The following TBX20 variants were observed in gnomAD, a reference collection of about 807,000 sequenced individuals.
TBX20 encodes T-box transcription factor 20.
In TBX20, 8 loss-of-function variants were observed where a neutral mutation model predicts 42.9. That is an observed-to-expected ratio of 0.19 (90% CI 0.11 to 0.34). The LOEUF (loss-of-function observed/expected upper bound fraction) is 0.34, where lower values mean the gene tolerates loss of function less well. Among genes scored for constraint, TBX20 ranks in the 10% least tolerant of loss-of-function variants. The probability of loss-of-function intolerance (pLI) is 1.00; values close to 1 mark genes in which losing one functional copy is unlikely to be tolerated. For missense variants in TBX20, 411 were observed against 566.0 expected, an observed-to-expected ratio of 0.73 and a Z score of 2.78; for synonymous variants, 198 against 222.8, an observed-to-expected ratio of 0.89 and a Z score of 0.99.
chr7:35,228,662 G>A lies in TBX20; in HGVS notation c.890+2842C>T, dbSNP rs13236128. Among the ~76,000 whole-genome samples, 129 of 152,126 alleles carry A rather than the reference G, an allele frequency of 8.5e-4. 1 individual carries two copies. The highest frequency in any genetic ancestry group is 3.1e-3 in the African/African-American group (128 of 41,524). The stretch of plus-strand genomic sequence containing the variant: ...GTGTACTGGACAAAGTGAACCGCAT[G>A]CCCCCAGAAAAGAAACATAAAATGC... On this transcript the variant is annotated intron_variant, in intron 6 of 7. Coordinates refer to ENST00000408931, the MANE Select transcript of TBX20 (RefSeq NM_001077653.2).
chr7:35,237,139 T>A (rs1340694428), intron 5 of TBX20, among the ~76,000 whole-genome samples: 12 of 152,168 alleles, frequency 7.9e-5, no homozygotes, highest in Non-Finnish European at 8.8e-5. Context: ...ACTTACCAGA[T>A]TTGTGACCTT....
chr7:35,217,184 T>A (rs1243179267), intron 6 of TBX20, among the ~76,000 whole-genome samples: 1 of 152,222 alleles, frequency 6.6e-6, no homozygotes, highest in East Asian at 1.9e-4. Context: ...TTAATCTTAC[T>A]GATTTTTCTT....
At chr7:35,206,746 G>GATT (rs1423242873) in intron 6 of TBX20, among the ~76,000 whole-genome samples, 1 of 152,168 alleles carries the variant, frequency 6.6e-6, no homozygotes, top group African/African-American at 2.4e-5. Flanking sequence ...TGTTCTTGCA[G>GATT]ATTAGTCTGC....
Position 35,244,942 on chromosome 7 carries a change from T to C in TBX20, c.654+7A>G. On this transcript the variant is annotated splice_region_variant and intron_variant, in intron 4 of 7. Transcript: ENST00000408931. ...GGAACCTGCACAGTCCAAGGCATGG[T>C]ACTTACATGGCCATGTTGATCCAGT... 6.2e-7 allele frequency: 1 copy of C among 1,603,322 alleles called. No individual in the cohort carries two copies. Among genetic ancestry groups the C allele is most frequent in the Non-Finnish European group, 8.5e-7 (1 of 1,170,182 alleles).
chr7:35,232,190 T>C (rs1789878757), intron 5 of TBX20, among the ~76,000 whole-genome samples: 1 of 152,192 alleles, frequency 6.6e-6, no homozygotes, highest in South Asian at 2.1e-4. Flanking sequence ...AATTAGTCCA[T>C]CTTTTGTTAT....
chr7:35,246,812 T>C (rs1412691351), intron 3 of TBX20, among the ~76,000 whole-genome samples: 1 of 152,068 alleles, frequency 6.6e-6, no homozygotes, highest in Non-Finnish European at 1.5e-5. Context: ...ATTTTAATAA[T>C]AATAAAGAAT....
rs372887264 is a variant in TBX20 at position 35,250,156 on chromosome 7, T to C, written c.175A>G (p.Thr59Ala). 1 of 1,613,908 alleles carries C rather than the reference T, an allele frequency of 6.2e-7. No homozygotes were observed. Among genetic ancestry groups the C allele is most frequent in the Non-Finnish European group, 8.5e-7 (1 of 1,180,006 alleles). ...AACTCCCCATGAGCATCCAGGCTGG[T>C]CAGCTCACCCAGGGGCTGGGCACAG... ...SSCAQPLGEL[T>A]SLDAHGEFGG... The change falls in exon 2 of 8, where the codon ACC (threonine) becomes GCC (alanine). Residue 59 changes from threonine (T) to alanine (A), a missense_variant. Physicochemically the swap from Thr to Ala is moderately conservative, Grantham distance 58. Around this residue, in one of 5 missense-constraint regions of TBX20, gnomAD observed 114 missense variants for 128.0 expected, o/e 0.89. Transcript: ENST00000408931.
rs1212012790 is a variant in TBX20, at chr7:35,249,927, C to A, written c.380+24G>T. The A allele has an allele frequency of 6.3e-7, 1 of 1,588,322 alleles. No individual in the cohort carries two copies. ...AGTGTCCTGACTCTCCACCCCCAAC[C>A]CCCAACCCCCAAGTCCCAACTACCT... On this transcript the variant is annotated intron_variant, in intron 2 of 7. Coordinates refer to ENST00000408931, the MANE Select transcript of TBX20 (RefSeq NM_001077653.2). This position sits in a 1 kb window ranked among gnomAD's most constrained non-coding sequence, Gnocchi z 4.3.
At chr7:35,245,948 T>A (rs532818003) in intron 3 of TBX20, among the ~76,000 whole-genome samples, 2 of 152,322 alleles carry the variant, frequency 1.3e-5, no homozygotes, top group South Asian at 4.1e-4. Context: ...AATCCTTGAT[T>A]TAATAGGACA....
chr7:35,206,688 G>A lies in TBX20; in HGVS notation c.891-2106C>T, dbSNP rs530197962. Among the ~76,000 whole-genome samples, 15 of 152,250 alleles carry A rather than the reference G, an allele frequency of 9.9e-5. No homozygotes were observed. The South Asian group carries it at 3.1e-3, about 32-fold the overall frequency. ...GCTTCCTCAAGCTCCTATGCTCCAT[G>A]GTCCCCATCGCAACAAACCTTTCCA... On this transcript the variant is annotated intron_variant, in intron 6 of 7. Transcript: ENST00000408931.
At chr7:35,251,346 A>C (rs1402809589) in intron 1 of TBX20, among the ~76,000 whole-genome samples, 21 of 152,186 alleles carry the variant, frequency 1.4e-4, no homozygotes. Flanking sequence ...TTTCCTACAC[A>C]TCCGTACATG....
chr7:35,204,516 T>A lies in TBX20; in HGVS notation c.957A>T (p.Gly319=). Residue 319 remains glycine (G), a synonymous_variant, in exon 7 of 8, where the codon GGA becomes GGT. Coordinates refer to ENST00000408931, the MANE Select transcript of TBX20 (RefSeq NM_001077653.2). The part of the protein sequence containing the change: ...YARSPIRTYG[G]EEDVLGDESQ... ...TCTCATCCCCCAAGACATCTTCTTC[T>A]CCTCCGTAGGTACGGATGGGTGAGC... is the stretch of plus-strand genomic sequence containing the variant. 1 of 1,614,076 alleles carries A rather than the reference T, an allele frequency of 6.2e-7. No individual in the cohort carries two copies. The highest frequency in any genetic ancestry group is 8.5e-7 in the Non-Finnish European group (1 of 1,179,962).
intron 6 of TBX20, among the ~76,000 whole-genome samples, chr7:35,224,279 G>T (rs1789732157): frequency 6.6e-6 from 1 of 152,232 alleles, no homozygotes; most frequent in African/African-American, 2.4e-5. Context: ...ACTGACAAGA[G>T]AAGGTACAAA....
intron 5 of TBX20, among the ~76,000 whole-genome samples, chr7:35,236,750 C>T (rs1300890664): frequency 1.3e-5 from 2 of 152,058 alleles, no homozygotes; most frequent in East Asian, 1.9e-4. Context: ...AGGTGGATAT[C>T]GAAAAATAAA....
At chr7:35,210,949 T>C (rs1183528277) in intron 6 of TBX20, among the ~76,000 whole-genome samples, 1 of 152,116 alleles carries the variant, frequency 6.6e-6, no homozygotes, top group African/African-American at 2.4e-5. Context: ...CCATCTGTTC[T>C]TTTTTATCTC....
At chr7:35,233,578 T>C (rs1386248362) in intron 5 of TBX20, among the ~76,000 whole-genome samples, 2 of 152,218 alleles carry the variant, frequency 1.3e-5, no homozygotes, top group East Asian at 1.9e-4. Flanking sequence ...CATCCACTTA[T>C]TCCGACTAGG....
At chr7:35,250,265 G>A (rs1790280092) in intron 1 of TBX20, 62 bp from the exon 2 acceptor site, 4 of 1,476,076 alleles carry the variant, frequency 2.7e-6, no homozygotes, top group African/African-American at 2.6e-5. Flanking sequence ...GATCTGGAAA[G>A]AACAGCATAA....
chr7:35,213,357 T>C (rs572137752), intron 6 of TBX20, among the ~76,000 whole-genome samples: 38 of 152,278 alleles, frequency 2.5e-4, no homozygotes, highest in African/African-American at 7.2e-4. Flanking sequence ...GCTTCAGTAA[T>C]TGTTAACATT....
intron 6 of TBX20, among the ~76,000 whole-genome samples, chr7:35,213,754 T>C (rs1466777563): frequency 6.6e-6 from 1 of 151,966 alleles, no homozygotes; most frequent in Admixed American, 6.6e-5. Flanking sequence ...ATTCTGACTT[T>C]GTTACTTTCT....
Sources: allele counts gnomAD v4.1 joint callset (sites outside exome capture counted in the v4.1 genomes callset), GRCh38; gene constraint gnomAD v4.1.1; regional missense constraint gnomAD v4.1.1; non-coding constraint Gnocchi (gnomAD v3.1); transcripts MANE v1.5; gene names NCBI Gene and HGNC (gene_info 2026-07-23, HGNC 2026-07-21).